The following TRABD2B variants were observed in gnomAD, a reference collection of about 807,000 sequenced individuals.
TRABD2B encodes metalloprotease TIKI2.
TRABD2B carries 14 observed loss-of-function variants against 40.1 expected under a neutral mutation model. The observed-to-expected ratio is 0.35, with a 90% CI of 0.23 to 0.55. The LOEUF is 0.55. Ranked by LOEUF, TRABD2B falls within the 20% of genes least tolerant of loss-of-function variation. TRABD2B has a pLI of 0.90. For synonymous variants in TRABD2B, 263 were observed against 277.0 expected, an observed-to-expected ratio of 0.95 and a Z score of 0.50; for missense variants, 541 against 648.6, an observed-to-expected ratio of 0.83 and a Z score of 1.80.
At position 47,951,023 on chromosome 1, in the gene TRABD2B, A is replaced by T. The variant is rs74439309; in HGVS notation, c.666+43011T>A. On this transcript the variant is annotated intron_variant, in intron 2 of 6. Coordinates refer to ENST00000606738, the MANE Select transcript of TRABD2B (RefSeq NM_001194986.2). Reference sequence around the variant, plus strand: ...GGCCTTCAATGCATTTTTATGAACTAAATGTCCCAAACAGAGATCTGGAGG... The same window carrying T: ...GGCCTTCAATGCATTTTTATGAACTTAATGTCCCAAACAGAGATCTGGAGG... Among the ~76,000 whole-genome samples, 7 of 152,332 alleles carry T rather than the reference A, an allele frequency of 4.6e-5. No individual in the cohort carries two copies. In the East Asian group the frequency reaches 1.4e-3, roughly 29 times the overall value.
At chr1:47,911,547 T>C (rs1222388752) in intron 2 of TRABD2B, among the ~76,000 whole-genome samples, 1 of 152,230 alleles carries the variant, frequency 6.6e-6, no homozygotes, top group African/African-American at 2.4e-5. Flanking sequence ...GTCTGTCAGT[T>C]CTGTAAGCGA....
chr1:47,877,606 A>C (rs771468901), intron 2 of TRABD2B, among the ~76,000 whole-genome samples: 8 of 152,184 alleles, frequency 5.3e-5, no homozygotes, highest in African/African-American at 9.7e-5. Context: ...CACATCTCAG[A>C]ACTCACTTGA....
chr1:47,797,433 G>A (rs1033581111), intron 3 of TRABD2B, among the ~76,000 whole-genome samples: 3 of 152,148 alleles, frequency 2.0e-5, no homozygotes, highest in African/African-American at 4.8e-5. Context: ...GAAGGCAGCA[G>A]TCCACTTCCC....
At chr1:47,820,634 T>C (rs2124404749) in intron 2 of TRABD2B, among the ~76,000 whole-genome samples, 1 of 152,328 alleles carries the variant, frequency 6.6e-6, no homozygotes, top group African/African-American at 2.4e-5. Context: ...GCCAGCCCTA[T>C]GCCCTCACTG....
chr1:47,823,604 A>C (rs922600618), intron 2 of TRABD2B, among the ~76,000 whole-genome samples: 1 of 152,072 alleles, frequency 6.6e-6, no homozygotes, highest in East Asian at 1.9e-4. Flanking sequence ...GAGCAGGGGG[A>C]GGTGCAGACA....
intron 2 of TRABD2B, among the ~76,000 whole-genome samples, chr1:47,804,550 G>T (rs1021274592): frequency 1.3e-5 from 2 of 152,184 alleles, no homozygotes; most frequent in Admixed American, 6.5e-5. Context: ...GCACCCAGAA[G>T]AGCTGACTGG....
At chr1:47,916,848 T>C (rs1333670449) in intron 2 of TRABD2B, among the ~76,000 whole-genome samples, 1 of 152,176 alleles carries the variant, frequency 6.6e-6, no homozygotes, top group East Asian at 1.9e-4. Context: ...TTTCACACCC[T>C]CCCCAGTGTA....
Position 47,996,834 on chromosome 1 carries a change from C to T in TRABD2B, c.-45G>A. The T allele has an allele frequency of 4.3e-6, 5 of 1,168,522 alleles. No individual in the cohort carries two copies. The highest frequency in any genetic ancestry group is 5.3e-6 in the Non-Finnish European group (5 of 947,396). 72.4% of individuals were successfully genotyped at this position (1,168,522 alleles called of 1,614,324 possible). ...CGCGGGGGACCCTCCTGGGCGGCGC[C>T]CCTCAGCGGGGCGGGGAGCCCCCAG... is the stretch of plus-strand genomic sequence containing the variant. On this transcript the variant is annotated 5_prime_UTR_variant, in exon 1 of 7. Transcript: ENST00000606738. This position sits in a 1 kb window ranked among gnomAD's most constrained non-coding sequence, Gnocchi z 4.6.
In TRABD2B at chr1:47,994,364, C is replaced by G; in HGVS notation, c.336G>C (p.Val112=). Residue 112 remains valine (V), a synonymous_variant, in exon 2 of 7, where the codon GTG becomes GTC. Transcript: ENST00000606738. The surrounding 1 kb of genome is among the most constrained non-coding windows in gnomAD (Gnocchi z 6.7). ...LLPHGENLQD[V]LPHELYWRLK... ...AGCGCCAGTAAAGCTCGTGGGGCAGCACGTCCTGCAGGTTTTCCCCGTGCG... is the reference window on the plus strand; with the variant it reads ...AGCGCCAGTAAAGCTCGTGGGGCAGGACGTCCTGCAGGTTTTCCCCGTGCG... The G allele has an allele frequency of 6.5e-7, 1 of 1,536,188 alleles. No homozygotes were observed. Among genetic ancestry groups the G allele is most frequent in the Non-Finnish European group, 8.7e-7 (1 of 1,146,918 alleles).
In TRABD2B at chr1:47,761,945, CA is replaced by C; in HGVS notation, c.*3956del. On this transcript the variant is annotated 3_prime_UTR_variant, in exon 7 of 7. Coordinates refer to ENST00000606738, the MANE Select transcript of TRABD2B (RefSeq NM_001194986.2). ...ACCACCTTTGTGTCAGATGAGGGTA[CA>C]AAAACAAATTTACATGACCCCTGCC... 1 of 152,204 alleles carries C rather than the reference CA, an allele frequency of 6.6e-6. No homozygotes were observed. Among genetic ancestry groups the C allele is most frequent in the Non-Finnish European group, 1.5e-5 (1 of 68,034 alleles). The allele number at this position is 152,204 out of a possible 1,614,324, so 9.4% of individuals were successfully genotyped here.
At chr1:47,830,828 T>C (rs1265294806) in intron 2 of TRABD2B, among the ~76,000 whole-genome samples, 2 of 152,190 alleles carry the variant, frequency 1.3e-5, no homozygotes, top group Non-Finnish European at 2.9e-5. Flanking sequence ...ATATTTTTAA[T>C]AGTTTGTGGG....
intron 3 of TRABD2B, 131 bp from the exon 4 acceptor site, chr1:47,794,891 C>T (rs1015751811): frequency 3.7e-6 from 3 of 812,878 alleles, no homozygotes; most frequent in South Asian, 4.1e-5. Context: ...AGCCATCCTC[C>T]TGCCTCAGCC....
chr1:47,916,819 T>C lies in TRABD2B; in HGVS notation c.666+77215A>G, dbSNP rs1340736649. On this transcript the variant is annotated intron_variant, in intron 2 of 6. Coordinates refer to ENST00000606738, the MANE Select transcript of TRABD2B (RefSeq NM_001194986.2). ...CTTCACAGTTGCCTTCTCTTGTCTC[T>C]TTTCTTCTCCCCATTCTGTTTCACA... Among the ~76,000 whole-genome samples, 3 of 152,354 alleles carry C rather than the reference T, an allele frequency of 2.0e-5. No homozygotes were observed. In the East Asian group the frequency reaches 5.8e-4, roughly 29 times the overall value.
chr1:47,826,417 A>G (rs1002970190), intron 2 of TRABD2B, among the ~76,000 whole-genome samples: 2 of 152,098 alleles, frequency 1.3e-5, no homozygotes, highest in African/African-American at 4.8e-5. Flanking sequence ...TGTATTTTAC[A>G]TATGTAATTT....
chr1:47,903,057 C>T (rs962723490), intron 2 of TRABD2B, among the ~76,000 whole-genome samples: 2 of 152,056 alleles, frequency 1.3e-5, no homozygotes, highest in Non-Finnish European at 2.9e-5. Context: ...GAGTCACCTC[C>T]CTGGAGGAGT....
At chr1:47,821,949 T>G (rs1645116060) in intron 2 of TRABD2B, among the ~76,000 whole-genome samples, 1 of 152,004 alleles carries the variant, frequency 6.6e-6, no homozygotes, top group Admixed American at 6.6e-5. Context: ...AACCAGAAAA[T>G]GTAACTGCCT....
intron 2 of TRABD2B, among the ~76,000 whole-genome samples, chr1:47,971,884 C>T (rs1303206714): frequency 6.6e-6 from 1 of 152,128 alleles, no homozygotes; most frequent in Non-Finnish European, 1.5e-5. Flanking sequence ...AAGGATTTGA[C>T]ATATTTGCCT....
At chr1:47,928,641 A>C (rs1226322362) in intron 2 of TRABD2B, among the ~76,000 whole-genome samples, 1 of 152,250 alleles carries the variant, frequency 6.6e-6, no homozygotes, top group African/African-American at 2.4e-5. Context: ...TTATCCTTTA[A>C]ATTCTGAAGA....
chr1:47,910,988 G>C (rs1336389677), intron 2 of TRABD2B, among the ~76,000 whole-genome samples: 1 of 152,220 alleles, frequency 6.6e-6, no homozygotes, highest in African/African-American at 2.4e-5. Flanking sequence ...TGGCCAGGCA[G>C]AGGATGGAGC....
Sources: gnomAD v4.1 joint callset for allele counts (sites outside exome capture counted in the v4.1 genomes callset) on GRCh38, gnomAD v4.1.1 for gene constraint, Gnocchi (gnomAD v3.1) non-coding constraint, MANE v1.5 for transcripts, NCBI Gene and HGNC (gene_info 2026-07-23, HGNC 2026-07-21) for gene names.